Variants in ZBBX observed in about 807,000 individuals in gnomAD.
ZBBX encodes zinc finger B-box domain containing.
Under a neutral mutation model 108.5 loss-of-function variants are expected in ZBBX, and 101 were observed. That is an observed-to-expected ratio of 0.93 (90% CI 0.79 to 1.10). ZBBX has a LOEUF of 1.10. Among genes scored for constraint, ZBBX ranks in the 50% least tolerant of loss-of-function variants. ZBBX has a pLI of 0.00. For synonymous variants in ZBBX, 356 were observed against 323.4 expected (o/e 1.10, Z -1.08); for missense variants, 1,009 against 941.4 (o/e 1.07, Z -0.94).
At chr3:167,227,937 C>A in the ZBBX span, among the ~76,000 whole-genome samples, 1 of 151,654 alleles carries the variant, frequency 6.6e-6, no homozygotes, top group Non-Finnish European at 1.5e-5. Flanking sequence ...AAGGCTAGAA[C>A]AATTTCCTTG....
the ZBBX span, among the ~76,000 whole-genome samples, chr3:167,232,411 T>G: frequency 1.3e-5 from 2 of 151,960 alleles, no homozygotes; most frequent in South Asian, 2.1e-4. Context: ...AGGCACATCC[T>G]TGGTAAAAGT....
At chr3:167,359,467 C>G (rs1560179767) in intron 8 of ZBBX, among the ~76,000 whole-genome samples, 1 of 152,064 alleles carries the variant, frequency 6.6e-6, no homozygotes, top group Non-Finnish European at 1.5e-5. Context: ...AATATGATGA[C>G]AGCAAGTATA....
chr3:167,331,919 A>C (rs1389583441), intron 10 of ZBBX, among the ~76,000 whole-genome samples: 1 of 152,156 alleles, frequency 6.6e-6, no homozygotes, highest in African/African-American at 2.4e-5. Flanking sequence ...TCTTTCGTGA[A>C]CTGTACCTCT....
chr3:167,206,602 C>A, the ZBBX span, among the ~76,000 whole-genome samples: 1 of 151,788 alleles, frequency 6.6e-6, no homozygotes, highest in Non-Finnish European at 1.5e-5. Context: ...TGAATGTAAT[C>A]CTTATCAAAA....
chr3:167,300,896 G>A (rs772921074), intron 17 of ZBBX, among the ~76,000 whole-genome samples: 24 of 149,112 alleles, frequency 1.6e-4, no homozygotes, highest in Non-Finnish European at 3.3e-4. Context: ...GATTACAGGC[G>A]TGAGCCACTG....
At chr3:167,403,494 A>C (rs1162088309) in intron 1 of ZBBX, among the ~76,000 whole-genome samples, 1 of 152,150 alleles carries the variant, frequency 6.6e-6, no homozygotes, top group East Asian at 1.9e-4. Flanking sequence ...AAAATAATTG[A>C]AGAATGCCAA....
chr3:167,365,274 A>G (rs1482679182), intron 6 of ZBBX, among the ~76,000 whole-genome samples: 1 of 151,844 alleles, frequency 6.6e-6, no homozygotes, highest in Admixed American at 6.6e-5. Flanking sequence ...TAATACTTAC[A>G]AAGTCACGAA....
At chr3:167,330,868 G>GAAGAAGAAGA (rs1553820652) in intron 10 of ZBBX, among the ~76,000 whole-genome samples, 44 of 43,322 alleles carry the variant, frequency 1.0e-3, no homozygotes, top group Middle Eastern at 9.4e-3. Flanking sequence ...GGAGGAGGAG[G>GAAGAAGAAGA]AGGAGAAGAA....
the ZBBX span, among the ~76,000 whole-genome samples, chr3:167,184,033 A>G: frequency 6.6e-6 from 1 of 152,252 alleles, no homozygotes; most frequent in Non-Finnish European, 1.5e-5. Flanking sequence ...ATGAGTTCAG[A>G]AATAGACCAT....
the ZBBX span, among the ~76,000 whole-genome samples, chr3:167,180,291 A>G: frequency 6.6e-6 from 1 of 152,228 alleles, no homozygotes; most frequent in African/African-American, 2.4e-5. Context: ...TAGAAAACAG[A>G]CTACTCATGG....
the ZBBX span, among the ~76,000 whole-genome samples, chr3:167,178,578 T>C: frequency 6.6e-6 from 1 of 152,108 alleles, no homozygotes; most frequent in Admixed American, 6.5e-5. Context: ...CCTCCCAGAA[T>C]CTCTTCTTCG....
In ZBBX at chr3:167,333,357, G is replaced by T. The variant is rs60004383; in HGVS notation, c.687+470C>A. Among the ~76,000 whole-genome samples, 370 of 152,192 alleles carry T rather than the reference G, an allele frequency of 2.4e-3. 4 individuals are homozygous for T. Among genetic ancestry groups the T allele is most frequent in the African/African-American group, 8.3e-3 (344 of 41,540 alleles). On this transcript the variant is annotated intron_variant, in intron 10 of 21. Transcript: ENST00000675490. ...ACATGAGTTGATAAAAGCTTATCTA[G>T]CATGTTGTCAGATCAGCAGTCAATC... is the stretch of plus-strand genomic sequence containing the variant.
the ZBBX span, among the ~76,000 whole-genome samples, chr3:167,227,803 G>A: frequency 6.6e-6 from 1 of 151,678 alleles, no homozygotes; most frequent in African/African-American, 2.4e-5. Flanking sequence ...TCTGAGCCCT[G>A]TTTTGATGAC....
chr3:167,379,038 A>G (rs1485406026), intron 2 of ZBBX, among the ~76,000 whole-genome samples: 2 of 152,196 alleles, frequency 1.3e-5, no homozygotes, highest in Non-Finnish European at 2.9e-5. Context: ...CCCTATACAT[A>G]ATGTAGTGCC....
the ZBBX span, among the ~76,000 whole-genome samples, chr3:167,191,912 T>TAGAGAG: frequency 4.9e-5 from 6 of 122,408 alleles, no homozygotes; most frequent in African/African-American, 2.0e-4. Flanking sequence ...TATATATATA[T>TAGAGAG]ATATATATAT....
rs116192765 is a variant in ZBBX at position 167,394,013 on chromosome 3, T to C, written c.-445-13608A>G. 7.7e-3 allele frequency among the ~76,000 whole-genome samples: 1,164 copies of C among 152,098 alleles called. 19 individuals carry two copies. Among genetic ancestry groups the C allele is most frequent in the Admixed American group, 0.027 (415 of 15,258 alleles). On this transcript the variant is annotated intron_variant, in intron 1 of 21. Transcript: ENST00000455345. Reference sequence around the variant, plus strand: ...GAAAGTATTTTAAAAGTAGAATATATATTTTATCCAGATTTTCCATACATA... The same window carrying C: ...GAAAGTATTTTAAAAGTAGAATATACATTTTATCCAGATTTTCCATACATA...
chr3:167,285,160 C>T (rs1688296304), intron 19 of ZBBX, among the ~76,000 whole-genome samples: 1 of 151,844 alleles, frequency 6.6e-6, no homozygotes, highest in Non-Finnish European at 1.5e-5. Flanking sequence ...AAAACTAAGC[C>T]AACTATTGGG....
chr3:167,191,922 T>G, the ZBBX span, among the ~76,000 whole-genome samples: 28,797 of 123,952 alleles, frequency 0.23, 4,618 homozygotes, highest in Non-Finnish European at 0.27. Flanking sequence ...TATATATATA[T>G]ATATATATAT....
chr3:167,216,162 C>A, the ZBBX span, among the ~76,000 whole-genome samples: 1 of 151,888 alleles, frequency 6.6e-6, no homozygotes, highest in Non-Finnish European at 1.5e-5. Context: ...GGCATCCAAA[C>A]AAAAACAGAG....
Sources: allele counts gnomAD v4.1 joint callset (sites outside exome capture counted in the v4.1 genomes callset), GRCh38; gene constraint gnomAD v4.1.1; transcripts MANE v1.5; gene names NCBI Gene and HGNC (gene_info 2026-07-23, HGNC 2026-07-21).